CCSER1: variants seen among roughly 807,000 people sequenced by gnomAD.
CCSER1 encodes the protein coiled-coil serine rich protein 1.
In CCSER1, 41 loss-of-function variants were observed where a neutral mutation model predicts 82.0. That is an observed-to-expected ratio of 0.50 (90% CI 0.39 to 0.65). CCSER1 has a LOEUF of 0.65. CCSER1 is among the 30% of genes least tolerant of loss of function. CCSER1 has a pLI of 0.00. For missense variants in CCSER1, 1,119 were observed against 1,064.2 expected (o/e 1.05, Z -0.72); for synonymous variants, 414 against 383.9 (o/e 1.08, Z -0.92).
intron 3 of CCSER1, among the ~76,000 whole-genome samples, chr4:90,328,374 G>A (rs1392705588): frequency 6.6e-6 from 1 of 151,362 alleles, no homozygotes; most frequent in South Asian, 2.1e-4. Flanking sequence ...TGTAATTTTT[G>A]TTTTTATACA....
At chr4:91,055,284 C>G (rs1743344949) in intron 9 of CCSER1, among the ~76,000 whole-genome samples, 1 of 152,092 alleles carries the variant, frequency 6.6e-6, no homozygotes, top group Admixed American at 6.6e-5. Context: ...ATATCTATAT[C>G]TTGATCCTTT....
chr4:90,631,598 G>C (rs991109591), intron 6 of CCSER1, among the ~76,000 whole-genome samples: 12 of 152,106 alleles, frequency 7.9e-5, no homozygotes, highest in African/African-American at 4.8e-5. Flanking sequence ...AGGATGCCTC[G>C]ACAGAGTGTT....
At chr4:91,190,527 AT>A (rs891659827) in intron 10 of CCSER1, among the ~76,000 whole-genome samples, 16 of 151,962 alleles carry the variant, frequency 1.1e-4, no homozygotes, top group African/African-American at 2.4e-4. Context: ...GAACTTAAGA[AT>A]TTTTTTTTCC....
chr4:90,878,029 G>C (rs1475435946), intron 8 of CCSER1, among the ~76,000 whole-genome samples: 1 of 152,150 alleles, frequency 6.6e-6, no homozygotes, highest in African/African-American at 2.4e-5. Context: ...AGCCAAGGCA[G>C]TTGCTGGCTT....
chr4:91,420,115 T>C (rs1753608362), intron 10 of CCSER1, among the ~76,000 whole-genome samples: 1 of 151,868 alleles, frequency 6.6e-6, no homozygotes, highest in Admixed American at 6.6e-5. Context: ...AAACATAGGG[T>C]AAACTCTTCT....
At chr4:91,586,650 G>A (rs1185290396) in intron 10 of CCSER1, among the ~76,000 whole-genome samples, 1 of 151,726 alleles carries the variant, frequency 6.6e-6, no homozygotes, top group Admixed American at 6.6e-5. Flanking sequence ...AATTGCAGTG[G>A]GATGATGAAC....
At chr4:90,593,432 G>A (rs1024416789) in intron 5 of CCSER1, among the ~76,000 whole-genome samples, 1 of 152,060 alleles carries the variant, frequency 6.6e-6, no homozygotes, top group African/African-American at 2.4e-5. Flanking sequence ...GAGCAGGCCC[G>A]AGGATAGAGA....
intron 10 of CCSER1, among the ~76,000 whole-genome samples, chr4:91,255,040 G>A (rs1740572362): frequency 6.6e-6 from 1 of 152,014 alleles, no homozygotes; most frequent in South Asian, 2.1e-4. Flanking sequence ...ATTCATATCT[G>A]CCTTGTTTTA....
intron 9 of CCSER1, among the ~76,000 whole-genome samples, chr4:91,064,545 G>A (rs760582191): frequency 6.6e-6 from 1 of 152,204 alleles, no homozygotes; most frequent in African/African-American, 2.4e-5. Flanking sequence ...GCTGTTGACT[G>A]AGTTCAAGAT....
At chr4:91,255,038 C>A (rs1740572058) in intron 10 of CCSER1, among the ~76,000 whole-genome samples, 1 of 152,034 alleles carries the variant, frequency 6.6e-6, no homozygotes, top group Non-Finnish European at 1.5e-5. Flanking sequence ...CTATTCATAT[C>A]TGCCTTGTTT....
chr4:90,522,700 A>G (rs1350621616), intron 5 of CCSER1, among the ~76,000 whole-genome samples: 3 of 152,288 alleles, frequency 2.0e-5, no homozygotes, highest in Non-Finnish European at 4.4e-5. Flanking sequence ...TGTGACTTCC[A>G]TGAAGACTTT....
chr4:90,711,455 T>C (rs562533203), intron 6 of CCSER1, among the ~76,000 whole-genome samples: 1 of 152,252 alleles, frequency 6.6e-6, no homozygotes, highest in South Asian at 2.1e-4. Flanking sequence ...TAGTATGATA[T>C]TGGCTGTGGA....
chr4:90,989,954 T>C (rs912309293), intron 9 of CCSER1, among the ~76,000 whole-genome samples: 2 of 151,816 alleles, frequency 1.3e-5, no homozygotes, highest in African/African-American at 4.8e-5. Context: ...TAGTTATTGT[T>C]TCTTCTGGGC....
intron 1 of CCSER1, among the ~76,000 whole-genome samples, chr4:90,176,514 C>T (rs1376269042): frequency 1.3e-5 from 2 of 151,910 alleles, no homozygotes; most frequent in South Asian, 2.1e-4. Context: ...TAACAAAGTG[C>T]ACAGAGAAAA....
intron 5 of CCSER1, among the ~76,000 whole-genome samples, chr4:90,564,111 CTG>C (rs1779102061): frequency 6.6e-6 from 1 of 151,246 alleles, no homozygotes; most frequent in Admixed American, 6.6e-5. Context: ...TGTATTTTAC[CTG>C]TGTTTTTATT....
intron 1 of CCSER1, among the ~76,000 whole-genome samples, chr4:90,201,796 G>A (rs980015876): frequency 3.6e-4 from 55 of 152,078 alleles, no homozygotes; most frequent in African/African-American, 1.3e-3. Flanking sequence ...TGAAAGTTGT[G>A]TAGAATTTGT....
chr4:90,382,656 T>A (rs916232798), intron 3 of CCSER1, among the ~76,000 whole-genome samples: 1 of 152,148 alleles, frequency 6.6e-6, no homozygotes, highest in Non-Finnish European at 1.5e-5. Context: ...TAATTGCCTA[T>A]GATGTACTAC....
intron 7 of CCSER1, among the ~76,000 whole-genome samples, chr4:90,744,710 A>G (rs1217256531): frequency 1.3e-5 from 2 of 152,138 alleles, no homozygotes; most frequent in African/African-American, 4.8e-5. Flanking sequence ...AGATCAGTGG[A>G]GACATTAGAT....
At chr4:91,471,927 G>T (rs1422610419) in intron 10 of CCSER1, among the ~76,000 whole-genome samples, 1 of 139,084 alleles carries the variant, frequency 7.2e-6, no homozygotes, top group Non-Finnish European at 1.5e-5. Context: ...CTGAGATCGT[G>T]CCACTGCACT....
Sources: allele counts gnomAD v4.1 joint callset (sites outside exome capture counted in the v4.1 genomes callset), GRCh38; gene constraint gnomAD v4.1.1; transcripts MANE v1.5; gene names NCBI Gene and HGNC (gene_info 2026-07-23, HGNC 2026-07-21).